LIMCH1: variants seen among roughly 807,000 people sequenced by gnomAD.
LIMCH1 encodes the protein LIM and calponin homology domains 1.
A neutral mutation model predicts 176.5 loss-of-function variants in LIMCH1; 113 were observed. The ratio of observed to expected loss-of-function variants is 0.64; its 90% CI spans 0.55 to 0.75. The LOEUF (loss-of-function observed/expected upper bound fraction) is 0.75. Ranked by LOEUF, LIMCH1 falls within the 30% of genes least tolerant of loss-of-function variation. LIMCH1 has a pLI of 0.00. For missense variants in LIMCH1, 1,674 were observed against 1,814.9 expected, an observed-to-expected ratio of 0.92 and a Z score of 1.41; for synonymous variants, 619 against 645.9, an observed-to-expected ratio of 0.96 and a Z score of 0.63.
At chr4:41,422,721 C>T (rs2060719545) in intron 1 of LIMCH1, among the ~76,000 whole-genome samples, 1 of 152,084 alleles carries the variant, frequency 6.6e-6, no homozygotes, top group Admixed American at 6.5e-5. Context: ...TCCTGTGTGG[C>T]TCTAGCAGAT....
chr4:41,530,003 T>C (rs2077082454), intron 3 of LIMCH1, among the ~76,000 whole-genome samples: 1 of 152,186 alleles, frequency 6.6e-6, no homozygotes, highest in Admixed American at 6.5e-5. Context: ...TCAAATATGG[T>C]TAGAGCTTCC....
At chr4:41,515,738 G>A (rs2075504462) in intron 2 of LIMCH1, among the ~76,000 whole-genome samples, 1 of 152,182 alleles carries the variant, frequency 6.6e-6, no homozygotes. Flanking sequence ...AGGTCTTTCT[G>A]TCTCTGGAGC....
At chr4:41,507,035 ATATT>A (rs991889028) in intron 2 of LIMCH1, among the ~76,000 whole-genome samples, 2 of 152,184 alleles carry the variant, frequency 1.3e-5, no homozygotes, top group African/African-American at 2.4e-5. Flanking sequence ...TTGGGTTTGA[ATATT>A]TATCAGAATG....
chr4:41,493,632 T>C (rs563810559), intron 1 of LIMCH1, among the ~76,000 whole-genome samples: 55 of 152,194 alleles, frequency 3.6e-4, no homozygotes, highest in Non-Finnish European at 6.8e-4. Flanking sequence ...GACTTGAGCA[T>C]TCACAGATTT....
intron 1 of LIMCH1, among the ~76,000 whole-genome samples, chr4:41,426,136 C>T (rs11944857): frequency 6.7e-6 from 1 of 149,658 alleles, no homozygotes; most frequent in Non-Finnish European, 1.5e-5. Flanking sequence ...ATTCTCCTGC[C>T]TCAGCCTCCC....
chr4:41,435,277 T>C lies in LIMCH1; in HGVS notation c.97-59259T>C, dbSNP rs569642253. Among the ~76,000 whole-genome samples, 4 of 152,214 alleles carry C rather than the reference T, an allele frequency of 2.6e-5. No homozygotes were observed. The East Asian group carries it at 7.7e-4, about 29-fold the overall frequency. The stretch of plus-strand genomic sequence containing the variant: ...GGAGAGATGATGATGGAACCAGGTA[T>C]TGGAGTGATGCATTTCGACGATGAA... On this transcript the variant is annotated intron_variant, in intron 1 of 26. Coordinates refer to the LIMCH1 transcript ENST00000313860.
In LIMCH1 at chr4:41,676,816, A is replaced by G. The variant is rs528889981; in HGVS notation, c.3519+354A>G. ...TTATCTAAAAGCTCTCTGCTAGCATACACGTGAAATAAAATTTAGCCTCAG... is the reference window on the plus strand; with the variant it reads ...TTATCTAAAAGCTCTCTGCTAGCATGCACGTGAAATAAAATTTAGCCTCAG... On this transcript the variant is annotated intron_variant, in intron 23 of 31. Coordinates refer to ENST00000503057, the MANE Select transcript of LIMCH1 (RefSeq NM_001330672.2). Among the ~76,000 whole-genome samples, 3 of 152,256 alleles carry G rather than the reference A, an allele frequency of 2.0e-5. No individual in the cohort carries two copies. In the South Asian group the frequency reaches 6.2e-4, roughly 32 times the overall value.
chr4:41,408,094 C>T (rs932262231), intron 1 of LIMCH1, among the ~76,000 whole-genome samples: 15 of 151,930 alleles, frequency 9.9e-5, no homozygotes, highest in East Asian at 1.9e-4. Context: ...AATGTCAGGT[C>T]GAATGAATGA....
At chr4:41,586,213 A>G (rs866908022) in intron 1 of LIMCH1, among the ~76,000 whole-genome samples, 1 of 151,138 alleles carries the variant, frequency 6.6e-6, no homozygotes, top group African/African-American at 2.4e-5. Context: ...GGCTCCATCA[A>G]TCCTCCCACC....
chr4:41,531,515 C>T (rs368772204), intron 3 of LIMCH1, among the ~76,000 whole-genome samples: 198 of 105,852 alleles, frequency 1.9e-3, no homozygotes, highest in Non-Finnish European at 2.1e-3. Context: ...CACACACACA[C>T]ATACACACCT....
chr4:41,395,082 G>C (rs2057654203), intron 1 of LIMCH1, among the ~76,000 whole-genome samples: 1 of 152,164 alleles, frequency 6.6e-6, no homozygotes, highest in African/African-American at 2.4e-5. Context: ...GAACAGGCTT[G>C]TCTATGTTGT....
intron 1 of LIMCH1, among the ~76,000 whole-genome samples, chr4:41,410,928 C>T (rs1266713996): frequency 2.0e-5 from 3 of 152,172 alleles, no homozygotes; most frequent in African/African-American, 4.8e-5. Context: ...CTAGCCCATC[C>T]GGATAAATGA....
At chr4:41,504,195 G>T (rs1583236079) in intron 2 of LIMCH1, among the ~76,000 whole-genome samples, 1 of 152,192 alleles carries the variant, frequency 6.6e-6, no homozygotes, top group African/African-American at 2.4e-5. Flanking sequence ...TCCAACCTCA[G>T]GGTCTGTCTC....
At chr4:41,468,340 T>TCCC (rs2066448824) in intron 1 of LIMCH1, among the ~76,000 whole-genome samples, 5 of 13,784 alleles carry the variant, frequency 3.6e-4, no homozygotes, top group Non-Finnish European at 6.4e-4. Flanking sequence ...TCCCCTCCCC[T>TCCC]CCCCTCCTCC....
chr4:41,472,426 TTTTC>T (rs920459339), intron 1 of LIMCH1, among the ~76,000 whole-genome samples: 13 of 150,624 alleles, frequency 8.6e-5, no homozygotes, highest in African/African-American at 3.0e-4. Context: ...ACTTTCTTCT[TTTTC>T]TTTCTTTCTG....
In LIMCH1 at chr4:41,541,638, T is replaced by A. The variant is rs190987390; in HGVS notation, c.-241+3288T>A. Among the ~76,000 whole-genome samples the A allele has an allele frequency of 8.5e-5, 13 of 152,342 alleles. No homozygotes were observed. The East Asian group carries it at 1.7e-3, about 20-fold the overall frequency. On this transcript the variant is annotated intron_variant, in intron 1 of 31. Transcript: ENST00000503057. The stretch of plus-strand genomic sequence containing the variant: ...CACCAATGTGAATTATAGAACAGGA[T>A]CATTTTTCATCCTGCTTTCATCCCA...
rs537340267 is a variant in LIMCH1 at position 41,566,825 on chromosome 4, A to G, written c.-241+28475A>G. On this transcript the variant is annotated intron_variant, in intron 1 of 31. Transcript: ENST00000503057. ...AAACTTAAAAAAAGAAGAGTTTTCTATCACATACAGAGTTATCCGAAGATG... is the reference window on the plus strand; with the variant it reads ...AAACTTAAAAAAAGAAGAGTTTTCTGTCACATACAGAGTTATCCGAAGATG... Among the ~76,000 whole-genome samples, 10 of 152,358 alleles carry G rather than the reference A, an allele frequency of 6.6e-5. No homozygotes were observed. In the East Asian group the frequency reaches 1.7e-3, roughly 26 times the overall value.
Position 41,662,935 on chromosome 4 carries a change from A to T in LIMCH1, c.3242A>T (p.Lys1081Ile), listed in dbSNP as rs762969333. The change falls in exon 20 of 32, where the codon AAA (lysine) becomes ATA (isoleucine). Residue 1081 changes from lysine to isoleucine, a missense_variant. Lys to Ile is a moderately radical substitution (Grantham distance 102, BLOSUM62 -3). This residue lies in a region of LIMCH1 where 1,015 missense variants were observed against 1,102.5 expected (regional missense o/e 0.92). Coordinates refer to ENST00000503057, the MANE Select transcript of LIMCH1 (RefSeq NM_001330672.2). The part of the protein sequence containing the change: ...NDVSEEKDQK[K>I]PENEMSGKVE... ...GTGTCGGAAGAAAAAGACCAGAAGA[A>T]ACCAGAAAATGAAATGAGTGGAAAG... 6.2e-7 allele frequency: 1 copy of T among 1,614,064 alleles called. No homozygotes were observed. The highest frequency in any genetic ancestry group is 2.2e-5 in the East Asian group (1 of 44,886).
At chr4:41,396,815 C>T (rs1329628777) in intron 1 of LIMCH1, among the ~76,000 whole-genome samples, 3 of 151,848 alleles carry the variant, frequency 2.0e-5, no homozygotes, top group South Asian at 2.1e-4. Context: ...AGGCAGGAAT[C>T]GCTTGAACCT....
Sources: gnomAD v4.1 joint callset for allele counts (sites outside exome capture counted in the v4.1 genomes callset) on GRCh38, gnomAD v4.1.1 for gene constraint, gnomAD v4.1.1 regional missense constraint, MANE v1.5 for transcripts, NCBI Gene and HGNC (gene_info 2026-07-23, HGNC 2026-07-21) for gene names.